GRIN3B: variants seen among roughly 807,000 people sequenced by gnomAD.
GRIN3B encodes the protein glutamate ionotropic receptor NMDA type subunit 3B.
In GRIN3B, 77 loss-of-function variants were observed where a neutral mutation model predicts 66.0. That is an observed-to-expected ratio of 1.17 (90% CI 0.97 to 1.41). GRIN3B has a LOEUF of 1.41. GRIN3B is among the 40% of genes most tolerant of loss of function. GRIN3B has a pLI of 0.00. For synonymous variants in GRIN3B, 823 were observed against 749.7 expected (o/e 1.10, Z -1.60); for missense variants, 1,787 against 1,564.5 (o/e 1.14, Z -2.40).
At chr19:1,004,499 A>ACG in intron 2 of GRIN3B, 22 bp from the exon 3 acceptor site, 244 of 1,526,410 alleles carry the variant, frequency 1.6e-4, no homozygotes, top group Non-Finnish European at 1.9e-4. Context: ...GACACCTGAC[A>ACG]CCCCCCCCGC....
Position 1,005,321 on chromosome 19 carries a change from G to T in GRIN3B, c.1820G>T (p.Gly607Val). 1 of 1,613,710 alleles carries T rather than the reference G, an allele frequency of 6.2e-7. No homozygotes were observed. Among genetic ancestry groups the T allele is most frequent in the East Asian group, 2.2e-5 (1 of 44,882 alleles). Residue 607 changes from glycine (G) to valine (V), a missense_variant, in exon 3 of 9, where the codon GGC becomes GTC. Coordinates refer to ENST00000234389, the MANE Select transcript of GRIN3B (RefSeq NM_138690.3). This position sits in a 1 kb window ranked among gnomAD's most constrained non-coding sequence, Gnocchi z 5.2. ...WRSPYGLTPR[G>V]RNRSTVFSYS... ...AGCCCCTACGGCCTCACGCCACGTG[G>T]CCGCAACCGCAGCACCGTCTTCTCC...
Position 1,004,516 on chromosome 19 carries a change from C to T in GRIN3B, c.1020-5C>T. ...CACCTGACACCCCCCCCGCCCTGCC[C>T]CTAGGTTCCTGGCCAACACGTCCTT... On this transcript the variant is annotated splice_region_variant and splice_polypyrimidine_tract_variant and intron_variant, in intron 2 of 8. Transcript: ENST00000234389. The T allele has an allele frequency of 6.3e-7, 1 of 1,585,858 alleles. No individual in the cohort carries two copies. The highest frequency in any genetic ancestry group is 8.6e-7 in the Non-Finnish European group (1 of 1,166,616).
chr19:1,000,834 C>T lies in GRIN3B; in HGVS notation c.397C>T (p.Arg133Trp). 1.4e-6 allele frequency: 2 copies of T among 1,437,458 alleles called. No homozygotes were observed. The highest frequency in any genetic ancestry group is 1.8e-6 in the Non-Finnish European group (2 of 1,101,844). 89.0% of individuals were successfully genotyped at this position (1,437,458 alleles called of 1,614,324 possible). A position where few individuals can be genotyped will look rare whatever the true frequency, so the allele number is the denominator to read the frequency against. The change falls in exon 1 of 9, where the codon CGG (arginine) becomes TGG (tryptophan). Residue 133 changes from arginine to tryptophan, a missense_variant. Physicochemically the swap from Arg to Trp is moderately radical, Grantham distance 101. Coordinates refer to ENST00000234389, the MANE Select transcript of GRIN3B (RefSeq NM_138690.3). ...GACCCCCGTGCTCAGCCTGCTGCGG[C>T]GGGAGGCGCGCGCGCCCCTCGGAGC... ...TETPVLSLLR[R>W]EARAPLGAPN...
In GRIN3B at chr19:1,005,088, C is replaced by T. The variant is rs1349834368; in HGVS notation, c.1587C>T (p.Val529=). The change falls in exon 3 of 9, where the codon GTC becomes GTT. Residue 529 remains valine, a synonymous_variant. Coordinates refer to ENST00000234389, the MANE Select transcript of GRIN3B (RefSeq NM_138690.3). The surrounding 1 kb of genome is among the most constrained non-coding windows in gnomAD (Gnocchi z 5.2). ...TGGCCGGCCGGGCCCACATGGCGGT[C>T]ACCAGCTTCAGTATCAACTCCGCCC... ...DLLAGRAHMA[V]TSFSINSARS... 2 of 1,612,104 alleles carry T rather than the reference C, an allele frequency of 1.2e-6. No homozygotes were observed. Among genetic ancestry groups the T allele is most frequent in the East Asian group, 2.2e-5 (1 of 44,858 alleles).
Position 1,007,693 on chromosome 19 carries a change from CAAG to C in GRIN3B, c.2123_2125del (p.Lys708del), listed in dbSNP as rs1330263324. 3.9e-6 allele frequency: 6 copies of C among 1,537,482 alleles called. No homozygotes were observed. The highest frequency in any genetic ancestry group is 1.7e-4 in the Middle Eastern group (1 of 5,990). ...GGGAGAGCAGCGCCGAGGCGTACAT[CAAG>C]AAGAGCTTCCCCGACATGCACGCAC... On this transcript the variant is annotated inframe_deletion, in exon 4 of 9. Transcript: ENST00000234389. The surrounding 1 kb of genome is among the most constrained non-coding windows in gnomAD (Gnocchi z 4.4).
Position 1,003,407 on chromosome 19 carries a change from C to G in GRIN3B, c.704C>G (p.Ala235Gly). ...PVGGEAPVPA[A>G]VLLGCDIARA... ...GGGGGTGAAGCACCGGTACCCGCGG[C>G]GGTCCTCCTCGGCTGTGACATCGCC... is the stretch of plus-strand genomic sequence containing the variant. Residue 235 changes from alanine to glycine, a missense_variant, in exon 2 of 9, where the codon GCG becomes GGG. Ala to Gly is a moderately conservative substitution (Grantham distance 60, BLOSUM62 0). Transcript: ENST00000234389. 1 of 1,549,336 alleles carries G rather than the reference C, an allele frequency of 6.5e-7. No homozygotes were observed.
chr19:1,005,344 T>C lies in GRIN3B; in HGVS notation c.1843T>C (p.Ser615Pro), dbSNP rs377080093. 1.9e-6 allele frequency: 3 copies of C among 1,613,710 alleles called. No individual in the cohort carries two copies. Among genetic ancestry groups the C allele is most frequent in the Non-Finnish European group, 2.5e-6 (3 of 1,179,966 alleles). Residue 615 changes from serine to proline, a missense_variant, in exon 3 of 9, where the codon TCC (serine) becomes CCC (proline). Ser to Pro is a moderately conservative substitution (Grantham distance 74). Transcript: ENST00000234389. The surrounding 1 kb of genome is among the most constrained non-coding windows in gnomAD (Gnocchi z 5.2). ...TGGCCGCAACCGCAGCACCGTCTTC[T>C]CCTACTCCTCAGCCCTCAACCTGTG... The part of the protein sequence containing the change: ...PRGRNRSTVF[S>P]YSSALNLCYA...
In GRIN3B at chr19:1,009,649, G is replaced by T; in HGVS notation, c.*47G>T. 7.5e-7 allele frequency: 1 copy of T among 1,327,624 alleles called. No homozygotes were observed. Among genetic ancestry groups the T allele is most frequent in the South Asian group, 1.7e-5 (1 of 58,734 alleles). 82.2% of individuals were successfully genotyped at this position (1,327,624 alleles called of 1,614,324 possible). On this transcript the variant is annotated 3_prime_UTR_variant, in exon 9 of 9. Coordinates refer to ENST00000234389, the MANE Select transcript of GRIN3B (RefSeq NM_138690.3). Reference sequence around the variant, plus strand: ...GCTCAAGACACACACACAGCGCAGTGAGCCGCTGTCAACAGACAGTTTATT... The same window carrying T: ...GCTCAAGACACACACACAGCGCAGTTAGCCGCTGTCAACAGACAGTTTATT...
rs1183250979 is a variant in GRIN3B at position 1,008,861 on chromosome 19, T to G, written c.2636T>G (p.Ile879Ser). Reference protein sequence around the residue: ...LQYWLHTSQKIHRALNTEPPE... With the variant: ...LQYWLHTSQKSHRALNTEPPE... ...CGGGTCTGTCTGGGGTCTTAGAAAATCCACCGCGCCCTCAACACGGAGCCA... is the reference window on the plus strand; with the variant it reads ...CGGGTCTGTCTGGGGTCTTAGAAAAGCCACCGCGCCCTCAACACGGAGCCA... Residue 879 changes from isoleucine (I) to serine (S), a missense_variant, in exon 8 of 9, where the codon ATC becomes AGC. Transcript: ENST00000234389. 1.3e-6 allele frequency: 2 copies of G among 1,598,178 alleles called. No individual in the cohort carries two copies. The highest frequency in any genetic ancestry group is 2.2e-5 in the South Asian group (2 of 90,196).
In GRIN3B at chr19:1,007,821, G is replaced by A; in HGVS notation, c.2199-35G>A. 6.4e-7 allele frequency: 1 copy of A among 1,559,398 alleles called. No homozygotes were observed. Among genetic ancestry groups the A allele is most frequent in the South Asian group, 1.2e-5 (1 of 85,900 alleles). On this transcript the variant is annotated intron_variant, in intron 4 of 8. Transcript: ENST00000234389. This position sits in a 1 kb window ranked among gnomAD's most constrained non-coding sequence, Gnocchi z 4.4. ...GCGGGGGCGGGGCGTGGGGTGGGCG[G>A]GGCGATGGCTGACCCCCGCCCCCGG...
At position 1,009,347 on chromosome 19, in the gene GRIN3B, C is replaced by G; in HGVS notation, c.2877C>G (p.Gly959=). 1 of 1,391,908 alleles carries G rather than the reference C, an allele frequency of 7.2e-7. No individual in the cohort carries two copies. The allele number at this position is 1,391,908 out of a possible 1,614,324, so 86.2% of individuals were successfully genotyped here. The part of the protein sequence containing the change: ...DAEAEAAPRE[G]PVWLCSYGRP... ...AGGCGGAGGCTGCGCCGCGAGAGGG[C>G]CCCGTCTGGCTGTGCTCCTACGGCC... The change falls in exon 9 of 9, where the codon GGC becomes GGG. Residue 959 remains glycine (G), a synonymous_variant. Transcript: ENST00000234389.
At chr19:1,008,582 C>A in intron 6 of GRIN3B, 36 bp from the exon 7 acceptor site, 1 of 1,579,792 alleles carries the variant, frequency 6.3e-7, no homozygotes, top group African/African-American at 1.3e-5. Context: ...CCTGCCATTA[C>A]GTGACCGTGC....
In GRIN3B at chr19:1,007,712, A is replaced by G. The variant is rs2038767576; in HGVS notation, c.2137A>G (p.Met713Val). 2 of 1,535,230 alleles carry G rather than the reference A, an allele frequency of 1.3e-6. No individual in the cohort carries two copies. Among genetic ancestry groups the G allele is most frequent in the Non-Finnish European group, 1.8e-6 (2 of 1,141,898 alleles). ...GTACATCAAGAAGAGCTTCCCCGACATGCACGCACACATGCGGCGCCACAG... is the reference window on the plus strand; with the variant it reads ...GTACATCAAGAAGAGCTTCCCCGACGTGCACGCACACATGCGGCGCCACAG... The part of the protein sequence containing the change: ...EAYIKKSFPD[M>V]HAHMRRHSAP... Residue 713 changes from methionine to valine, a missense_variant, in exon 4 of 9, where the codon ATG becomes GTG. Met to Val is a conservative substitution (Grantham distance 21). Transcript: ENST00000234389. This position sits in a 1 kb window ranked among gnomAD's most constrained non-coding sequence, Gnocchi z 4.4.
chr19:1,000,977 G>C, intron 1 of GRIN3B, 114 bp downstream of exon 1: 1 of 1,155,344 alleles, frequency 8.7e-7, no homozygotes, highest in Non-Finnish European at 1.1e-6. Flanking sequence ...AGGGAAGGGG[G>C]ATCCCGGGAC....
At position 1,008,909 on chromosome 19, in the gene GRIN3B, C is replaced by A. The variant is rs575414439; in HGVS notation, c.2684C>A (p.Thr895Lys). 3.7e-6 allele frequency: 6 copies of A among 1,609,004 alleles called. No individual in the cohort carries two copies. Among genetic ancestry groups the A allele is most frequent in the Non-Finnish European group, 4.2e-6 (5 of 1,178,204 alleles). The change falls in exon 8 of 9, where the codon ACG becomes AAG. Residue 895 changes from threonine to lysine, a missense_variant. Transcript: ENST00000234389. ...CCACCAGAGGGGTCGAAGGAGGAGA[C>A]GGCAGAGGCGGAGCCCAGGTAAGTG... ...TEPPEGSKEETAEAEPSGPEV... is the reference protein window; with the variant it reads ...TEPPEGSKEEKAEAEPSGPEV...
intron 1 of GRIN3B, among the ~76,000 whole-genome samples, chr19:1,001,291 T>C (rs951789048): frequency 6.6e-6 from 1 of 151,424 alleles, no homozygotes; most frequent in African/African-American, 2.4e-5. Context: ...GGACAGGCGG[T>C]CTCCCTCCTC....
At position 1,000,705 on chromosome 19, in the gene GRIN3B, GGCCTGT is replaced by G. The variant is rs1200156999; in HGVS notation, c.272_277del (p.Leu91_Cys92del). On this transcript the variant is annotated inframe_deletion, in exon 1 of 9. Coordinates refer to ENST00000234389, the MANE Select transcript of GRIN3B (RefSeq NM_138690.3). Reference sequence around the variant, plus strand: ...CCGCGACCCCGCCTCGCTGACCCGCGGCCTGTGCCAGGCGCTGGTGCCTCCGGGCGT... The same window carrying G: ...CCGCGACCCCGCCTCGCTGACCCGCGGCCAGGCGCTGGTGCCTCCGGGCGT... 1 of 1,402,846 alleles carries G rather than the reference GGCCTGT, an allele frequency of 7.1e-7. No individual in the cohort carries two copies. Among genetic ancestry groups the G allele is most frequent in the East Asian group, 3.1e-5 (1 of 32,116 alleles). 86.9% of individuals were successfully genotyped at this position (1,402,846 alleles called of 1,614,324 possible).
In GRIN3B at chr19:1,009,566, C is replaced by T; in HGVS notation, c.3096C>T (p.Ala1032=). Residue 1032 remains alanine (A), a synonymous_variant, in exon 9 of 9, where the codon GCC becomes GCT. Coordinates refer to ENST00000234389, the MANE Select transcript of GRIN3B (RefSeq NM_138690.3). ...AGGCCAGAGCGGCCCCCGCGGAGGC[C>T]CCACCACACTCTGGCCGACCGGGGA... ...LLQARAAPAE[A]PPHSGRPGSQ... 1.1e-6 allele frequency: 1 copy of T among 891,260 alleles called. No individual in the cohort carries two copies. Among genetic ancestry groups the T allele is most frequent in the African/African-American group, 2.4e-5 (1 of 41,630 alleles). 55.2% of individuals were successfully genotyped at this position (891,260 alleles called of 1,614,324 possible). A position where few individuals can be genotyped will look rare whatever the true frequency, so the allele number is the denominator to read the frequency against.
Position 1,003,251 on chromosome 19 carries a change from AC to A in GRIN3B, c.552del (p.Gly185AlafsTer21). ...GGCCTGGCCCTGTGCCGCACTCAGG[AC>A]CCCGGCGGCCTGGTGGCCCTCTGGA... is the stretch of plus-strand genomic sequence containing the variant. ...DVGLALCRTQ[D>X]PGGLVALWTS... On this transcript the variant is annotated frameshift_variant, in exon 2 of 9. Transcript: ENST00000234389. LOFTEE classifies it high-confidence loss of function. 6.4e-7 allele frequency: 1 copy of A among 1,573,340 alleles called. No individual in the cohort carries two copies. The highest frequency in any genetic ancestry group is 1.2e-5 in the South Asian group (1 of 86,294).
Sources: gnomAD v4.1 joint callset for allele counts (sites outside exome capture counted in the v4.1 genomes callset) on GRCh38, gnomAD v4.1.1 for gene constraint, Gnocchi (gnomAD v3.1) non-coding constraint, MANE v1.5 for transcripts, NCBI Gene and HGNC (gene_info 2026-07-23, HGNC 2026-07-21) for gene names.